The following HNRNPAB variants were observed in gnomAD, a reference collection of about 807,000 sequenced individuals.
The protein encoded by HNRNPAB is heterogeneous nuclear ribonucleoprotein A/B.
In HNRNPAB, 17 loss-of-function variants were observed where a neutral mutation model predicts 44.1. The observed-to-expected ratio is 0.39, with a 90% CI of 0.26 to 0.58. The LOEUF (loss-of-function observed/expected upper bound fraction) is 0.58, where lower values mean the gene tolerates loss of function less well. HNRNPAB is among the 20% of genes least tolerant of loss of function. The pLI is 0.63. For synonymous variants in HNRNPAB, 183 were observed against 167.6 expected, an observed-to-expected ratio of 1.09 and a Z score of -0.71; for missense variants, 393 against 432.7, an observed-to-expected ratio of 0.91 and a Z score of 0.81.
At chr5:178,204,768 C>G (rs551192335) in intron 1 of HNRNPAB, 28 bp downstream of exon 1, 1 of 1,050,196 alleles carries the variant, frequency 9.5e-7, no homozygotes, top group African/African-American at 1.7e-5. Context: ...GGCGGGAGCT[C>G]TGGCGGGAGC....
rs774655570 is a variant in HNRNPAB, at chr5:178,206,855, G to A, written c.502G>A (p.Glu168Lys). Residue 168 changes from glutamate (E) to lysine (K), a missense_variant, in exon 4 of 8, where the codon GAA becomes AAA. This residue lies in a region of HNRNPAB where 102 missense variants were observed against 162.3 expected (regional missense o/e 0.63). Transcript: ENST00000358344. ...GGGTCTGAATCCTGAAGCCACTGAG[G>A]AAAAGATCAGGGAGTACTTTGGCGA... The part of the protein sequence containing the change: ...VGGLNPEATE[E>K]KIREYFGEFG... 3 of 1,614,198 alleles carry A rather than the reference G, an allele frequency of 1.9e-6. No homozygotes were observed. Among genetic ancestry groups the A allele is most frequent in the East Asian group, 2.2e-5 (1 of 44,874 alleles).
At chr5:178,210,310 T>C in intron 7 of HNRNPAB, 38 bp downstream of exon 7, 1 of 1,613,364 alleles carries the variant, frequency 6.2e-7, no homozygotes, top group Non-Finnish European at 8.5e-7. Flanking sequence ...CGCTCACCCC[T>C]CGTCCCCAGG....
In HNRNPAB at chr5:178,207,231, G is replaced by A; in HGVS notation, c.669+6G>A. The A allele has an allele frequency of 6.2e-7, 1 of 1,613,850 alleles. No individual in the cohort carries two copies. Among genetic ancestry groups the A allele is most frequent in the South Asian group, 1.1e-5 (1 of 90,884 alleles). The stretch of plus-strand genomic sequence containing the variant: ...ATACTGTCAGTGGAAGCAAGGTAAG[G>A]TGTTCCCAGCTCTGCTTGGCCTCCT... On this transcript the variant is annotated splice_donor_region_variant and intron_variant, in intron 5 of 7. Coordinates refer to ENST00000358344, the MANE Select transcript of HNRNPAB (RefSeq NM_031266.3).
intron 5 of HNRNPAB, among the ~76,000 whole-genome samples, chr5:178,208,061 G>C (rs1393857623): frequency 6.6e-6 from 1 of 152,182 alleles, no homozygotes; most frequent in African/African-American, 2.4e-5. Flanking sequence ...CTTAAATCCA[G>C]GGTCAGTTGT....
chr5:178,210,281 G>A lies in HNRNPAB; in HGVS notation c.928+9G>A, dbSNP rs750898906. 2.2e-5 allele frequency: 36 copies of A among 1,614,032 alleles called. No homozygotes were observed. The highest frequency in any genetic ancestry group is 2.7e-5 in the Non-Finnish European group (32 of 1,180,024). On this transcript the variant is annotated intron_variant, in intron 7 of 7. Transcript: ENST00000358344. ...CCCCGGCTACGACTACAGTAAGTAG[G>A]AGAGAGGGAGGCCCCATCCGCTCAC... is the stretch of plus-strand genomic sequence containing the variant.
Position 178,205,713 on chromosome 5 carries a change from T to A in HNRNPAB, c.210-129T>A, listed in dbSNP as rs569704414. 1,203 of 803,928 alleles carry A rather than the reference T, an allele frequency of 1.5e-3. 8 individuals carry two copies. Among genetic ancestry groups the A allele is most frequent in the South Asian group, 5.0e-3 (276 of 55,636 alleles). 49.8% of individuals were successfully genotyped at this position (803,928 alleles called of 1,614,324 possible). A position where few individuals can be genotyped will look rare whatever the true frequency, so the allele number is the denominator to read the frequency against. The stretch of plus-strand genomic sequence containing the variant: ...GAGGGTAGTGGAGATTTAACATCTT[T>A]CTAAGGTGCTCCTTGCAGACTCTAA... On this transcript the variant is annotated intron_variant, in intron 2 of 7. Transcript: ENST00000358344.
Position 178,206,136 on chromosome 5 carries a change from A to G in HNRNPAB, c.378+126A>G. ...ATTTAAGTGCTTTGGGCAAAACCCA[A>G]AGCCGGAGGTTATGTTCCGGTTTTT... On this transcript the variant is annotated intron_variant, in intron 3 of 7. Transcript: ENST00000358344. 5.9e-6 allele frequency: 5 copies of G among 853,314 alleles called. No individual in the cohort carries two copies. The Admixed American group carries it at 7.6e-5, about 13-fold the overall frequency. The allele number at this position is 853,314 out of a possible 1,614,324, so 52.9% of individuals were successfully genotyped here. A position where few individuals can be genotyped will look rare whatever the true frequency, so the allele number is the denominator to read the frequency against.
chr5:178,207,758 G>C (rs901364639), intron 5 of HNRNPAB, among the ~76,000 whole-genome samples: 1 of 134,492 alleles, frequency 7.4e-6, no homozygotes, highest in East Asian at 2.3e-4. Context: ...GCTGGGGTGC[G>C]GTAACACAAT....
rs1455807655 is a variant in HNRNPAB at position 178,204,882 on chromosome 5, C to T, written c.45C>T (p.Ala15=). The change falls in exon 2 of 8, where the codon GCC becomes GCT. Residue 15 remains alanine, a synonymous_variant. Coordinates refer to ENST00000358344, the MANE Select transcript of HNRNPAB (RefSeq NM_031266.3). The stretch of plus-strand genomic sequence containing the variant: ...AGCAGCCCATGGAGACGACGGGCGC[C>T]ACCGAGAACGGACATGAGGCCGTCC... ...GEEQPMETTG[A]TENGHEAVPE... is the part of the protein sequence containing the mutation. The T allele has an allele frequency of 5.8e-6, 7 of 1,212,496 alleles. No individual in the cohort carries two copies. The African/African-American group carries it at 9.5e-5, about 16-fold the overall frequency. The allele number at this position is 1,212,496 out of a possible 1,614,324, so 75.1% of individuals were successfully genotyped here.
rs1756971571 is a variant in HNRNPAB at position 178,204,585 on chromosome 5, T to TGCG, written c.-170_-168dup. The TGCG allele has an allele frequency of 8.2e-6, 2 of 244,792 alleles. No individual in the cohort carries two copies. The highest frequency in any genetic ancestry group is 7.9e-5 in the East Asian group (1 of 12,726). The allele number at this position is 244,792 out of a possible 1,614,324, so 15.2% of individuals were successfully genotyped here. A position where few individuals can be genotyped will look rare whatever the true frequency, so the allele number is the denominator to read the frequency against. ...TTGGCTGTTGGTCGGTGGGTTCCCGTGCGGCGGCGGCCAAGGAGGAGGAGA... is the reference window on the plus strand; with the variant it reads ...TTGGCTGTTGGTCGGTGGGTTCCCGTGCGGCGGCGGCGGCCAAGGAGGAGGAGA... On this transcript the variant is annotated 5_prime_UTR_variant, in exon 1 of 8. Transcript: ENST00000358344.
In HNRNPAB at chr5:178,204,757, GGGCGGGAGCTCT is replaced by G. The variant is rs937406551; in HGVS notation, c.-24+27_-23-37del. 54 of 912,830 alleles carry G rather than the reference GGGCGGGAGCTCT, an allele frequency of 5.9e-5. No homozygotes were observed. In the Admixed American group the frequency reaches 6.4e-4, roughly 11 times the overall value. 56.5% of individuals were successfully genotyped at this position (912,830 alleles called of 1,614,324 possible). ...GGCGGCGAGGTGAGCGGCGGCCGGC[GGGCGGGAGCTCT>G]GGCGGGAGCCGCGCCGGCCTGACGC... On this transcript the variant is annotated intron_variant, in intron 1 of 7. Transcript: ENST00000358344.
At chr5:178,209,995 C>T (rs1327169106) in intron 6 of HNRNPAB, 137 bp from the exon 7 acceptor site, 4 of 1,238,578 alleles carry the variant, frequency 3.2e-6, no homozygotes, top group Non-Finnish European at 4.5e-6. Flanking sequence ...GGCCCTTATA[C>T]ACCAGAACAG....
intron 3 of HNRNPAB, among the ~76,000 whole-genome samples, chr5:178,206,492 A>G (rs1197909056): frequency 6.6e-6 from 1 of 152,100 alleles, no homozygotes; most frequent in Non-Finnish European, 1.5e-5. Flanking sequence ...TCACGCTGGG[A>G]CTGCTTGGGC....
chr5:178,204,564 C>A lies in HNRNPAB; in HGVS notation c.-200C>A. On this transcript the variant is annotated 5_prime_UTR_variant, in exon 1 of 8. In the 5' UTR this introduces an upstream ATG that the reference lacks. Transcript: ENST00000358344. ...CGGCACCGCGCGGGACGGAGCTTGG[C>A]TGTTGGTCGGTGGGTTCCCGTGCGG... is the stretch of plus-strand genomic sequence containing the variant. 4.4e-6 allele frequency: 1 copy of A among 229,876 alleles called. No individual in the cohort carries two copies. Among genetic ancestry groups the A allele is most frequent in the East Asian group, 8.9e-5 (1 of 11,238 alleles). The allele number at this position is 229,876 out of a possible 1,614,324, so 14.2% of individuals were successfully genotyped here.
chr5:178,209,428 A>T lies in HNRNPAB; in HGVS notation c.768A>T (p.Gly256=), dbSNP rs781721148. 2 of 1,613,918 alleles carry T rather than the reference A, an allele frequency of 1.2e-6. No homozygotes were observed. The highest frequency in any genetic ancestry group is 1.7e-6 in the Non-Finnish European group (2 of 1,179,924). The change falls in exon 6 of 8, where the codon GGA becomes GGT. Residue 256 remains glycine (G), a synonymous_variant. Coordinates refer to ENST00000358344, the MANE Select transcript of HNRNPAB (RefSeq NM_031266.3). ...GNRNRGNRGS[G]GGGGGGGQSQ... is the part of the protein sequence containing the mutation. ...GCAACCGAGGGAACCGAGGCAGCGG[A>T]GGTGGTGGTGGAGGTGGAGGTGAGT...
chr5:178,207,097 G>A lies in HNRNPAB; in HGVS notation c.541G>A (p.Glu181Lys). ...REYFGEFGEI[E>K]AIELPMDPKL... ...AGTTTGCCTATGCTTTTTGCAGATT[G>A]AGGCCATTGAATTGCCAATGGATCC... is the stretch of plus-strand genomic sequence containing the variant. The change falls in exon 5 of 8, where the codon GAG becomes AAG. Residue 181 changes from glutamate (E) to lysine (K), a missense_variant. Glu to Lys is a moderately conservative substitution (Grantham distance 56). Transcript: ENST00000358344. 1 of 1,614,056 alleles carries A rather than the reference G, an allele frequency of 6.2e-7. No individual in the cohort carries two copies.
At chr5:178,206,038 C>G in intron 3 of HNRNPAB, 28 bp downstream of exon 3, 1 of 1,593,548 alleles carries the variant, frequency 6.3e-7, no homozygotes, top group Non-Finnish European at 8.6e-7. Flanking sequence ...TTTCAGCAGT[C>G]TCAGTGGAAA....
intron 6 of HNRNPAB, 51 bp from the exon 7 acceptor site, chr5:178,210,081 C>A (rs758087265): frequency 1.2e-6 from 2 of 1,602,880 alleles, no homozygotes; most frequent in South Asian, 1.1e-5. Context: ...CATCCTAGCT[C>A]CTGCGTATGC....
intron 2 of HNRNPAB, chr5:178,205,582 G>A (rs1418113930): frequency 7.3e-6 from 3 of 411,104 alleles, no homozygotes; most frequent in African/African-American, 3.9e-5. Flanking sequence ...AGTTATGAGT[G>A]GTTAGGTCCC....
Sources: gnomAD v4.1 joint callset for allele counts (sites outside exome capture counted in the v4.1 genomes callset) on GRCh38, gnomAD v4.1.1 for gene constraint, gnomAD v4.1.1 regional missense constraint, MANE v1.5 for transcripts, NCBI Gene and HGNC (gene_info 2026-07-23, HGNC 2026-07-21) for gene names.